Variants in GOLGA1 observed in about 807,000 individuals in gnomAD.
The protein encoded by GOLGA1 is golgin subfamily A member 1.
Under a neutral mutation model 119.7 loss-of-function variants are expected in GOLGA1, and 63 were observed. That is an observed-to-expected ratio of 0.53 (90% CI 0.43 to 0.65). The LOEUF (loss-of-function observed/expected upper bound fraction) is 0.65. Among genes scored for constraint, GOLGA1 ranks in the 30% least tolerant of loss-of-function variants. GOLGA1 has a pLI of 0.00. For missense variants in GOLGA1, 798 were observed against 912.8 expected (o/e 0.87, Z 1.62); for synonymous variants, 318 against 333.4 (o/e 0.95, Z 0.50).
intron 3 of GOLGA1, among the ~76,000 whole-genome samples, chr9:124,938,323 G>GA (rs1174116313): frequency 1.3e-5 from 2 of 152,090 alleles, no homozygotes; most frequent in East Asian, 1.9e-4. Flanking sequence ...TATATAGACG[G>GA]AAAAACAGTA....
At chr9:124,892,814 C>T (rs1829884590) in intron 15 of GOLGA1, among the ~76,000 whole-genome samples, 2 of 151,838 alleles carry the variant, frequency 1.3e-5, no homozygotes, top group African/African-American at 2.4e-5. Context: ...TGCCTGTGAT[C>T]CCAGCTACTC....
Position 124,880,236 on chromosome 9 carries a change from T to TA in GOLGA1, c.*293dup, listed in dbSNP as rs748377745. 8.0e-5 allele frequency: 21 copies of TA among 261,930 alleles called. No individual in the cohort carries two copies. The East Asian group carries it at 1.8e-3, about 22-fold the overall frequency. 16.2% of individuals were successfully genotyped at this position (261,930 alleles called of 1,614,324 possible). A position where few individuals can be genotyped will look rare whatever the true frequency, so the allele number is the denominator to read the frequency against. On this transcript the variant is annotated 3_prime_UTR_variant, in exon 23 of 23. Coordinates refer to ENST00000373555, the MANE Select transcript of GOLGA1 (RefSeq NM_002077.4). ...TCAGCTGTAAGTGCTACCGTGAAGT[T>TA]AGAGGATTCAGGTGCAGATGGGGTG...
At position 124,929,252 on chromosome 9, in the gene GOLGA1, C is replaced by T; in HGVS notation, c.265G>A (p.Glu89Lys). Residue 89 changes from glutamate (E) to lysine (K), a missense_variant, in exon 5 of 23, where the codon GAG becomes AAG. Glu to Lys is a moderately conservative substitution (Grantham distance 56). Coordinates refer to ENST00000373555, the MANE Select transcript of GOLGA1 (RefSeq NM_002077.4). ...EQVRNLQKIK[E>K]KLEIALEKHQ... ...TTTTCTAATGCAATTTCAAGCTTCTCTTTTATCTTCTGCAAGTTTCGGACC... is the reference window on the plus strand; with the variant it reads ...TTTTCTAATGCAATTTCAAGCTTCTTTTTTATCTTCTGCAAGTTTCGGACC... 6.2e-7 allele frequency: 1 copy of T among 1,610,874 alleles called. No individual in the cohort carries two copies. The highest frequency in any genetic ancestry group is 8.5e-7 in the Non-Finnish European group (1 of 1,177,130).
At chr9:124,891,926 T>C (rs1330857257) in intron 15 of GOLGA1, among the ~76,000 whole-genome samples, 2 of 151,520 alleles carry the variant, frequency 1.3e-5, no homozygotes, top group African/African-American at 4.9e-5. Flanking sequence ...ATTACTGGTT[T>C]GAGCCACTGC....
At chr9:124,927,447 C>G (rs1830695973) in intron 6 of GOLGA1, among the ~76,000 whole-genome samples, 1 of 152,066 alleles carries the variant, frequency 6.6e-6, no homozygotes, top group Middle Eastern at 3.2e-3. Flanking sequence ...TAGTAAATGT[C>G]CTAGATGATG....
In GOLGA1 at chr9:124,928,185, T is replaced by C; in HGVS notation, c.399+3A>G. ...GTTCTGGGCAGTGCCACATATAAAATACCTGGTCCTTTCTGGCTAATGCCA... is the reference window on the plus strand; with the variant it reads ...GTTCTGGGCAGTGCCACATATAAAACACCTGGTCCTTTCTGGCTAATGCCA... On this transcript the variant is annotated splice_donor_region_variant and intron_variant, in intron 6 of 22. Transcript: ENST00000373555. 6.8e-7 allele frequency: 1 copy of C among 1,467,316 alleles called. No individual in the cohort carries two copies. The highest frequency in any genetic ancestry group is 1.2e-5 in the South Asian group (1 of 86,676). The allele number at this position is 1,467,316 out of a possible 1,614,324, so 90.9% of individuals were successfully genotyped here.
At position 124,939,376 on chromosome 9, in the gene GOLGA1, G is replaced by A. The variant is rs553199400; in HGVS notation, c.-155-510C>T. ...TATGTAAAAGGTGTAATATCCTACT[G>A]TTTCAGGATGGTTTGCAATCAACTG... On this transcript the variant is annotated intron_variant, in intron 2 of 22. Transcript: ENST00000373555. Among the ~76,000 whole-genome samples, 3 of 152,148 alleles carry A rather than the reference G, an allele frequency of 2.0e-5. No homozygotes were observed. The East Asian group carries it at 5.8e-4, about 29-fold the overall frequency.
At chr9:124,925,039 CACTGT>C (rs1830647778) in intron 7 of GOLGA1, among the ~76,000 whole-genome samples, 1 of 150,360 alleles carries the variant, frequency 6.7e-6, no homozygotes. Context: ...AAGATCATGC[CACTGT>C]ACTCCAGCCT....
In GOLGA1 at chr9:124,946,709, G is replaced by A. The variant is rs1831149474; in HGVS notation, c.-156+1209C>T. On this transcript the variant is annotated intron_variant, in intron 1 of 4. Coordinates refer to the GOLGA1 transcript ENST00000421514. The surrounding 1 kb of genome is among the most constrained non-coding windows in gnomAD (Gnocchi z 4.0). Reference sequence around the variant, plus strand: ...CCCAACCCTATCATCCTTGGGAGAGGTTTGAAGGCCCAGATTTTTATAGCA... The same window carrying A: ...CCCAACCCTATCATCCTTGGGAGAGATTTGAAGGCCCAGATTTTTATAGCA... The A allele has an allele frequency of 6.6e-6, 1 of 152,144 alleles. No homozygotes were observed. The highest frequency in any genetic ancestry group is 2.4e-5 in the African/African-American group (1 of 41,424). 9.4% of individuals were successfully genotyped at this position (152,144 alleles called of 1,614,324 possible).
intron 15 of GOLGA1, among the ~76,000 whole-genome samples, chr9:124,895,949 TAACAGAGAACCATCCAC>T (rs1226088350): frequency 3.3e-4 from 47 of 143,504 alleles, no homozygotes; most frequent in African/African-American, 7.4e-4. Flanking sequence ...AGACCCTCTA[TAACAGAGAACCATCCAC>T]AACAGAGAAC....
intron 19 of GOLGA1, among the ~76,000 whole-genome samples, chr9:124,885,766 G>A (rs999419342): frequency 6.6e-6 from 1 of 152,120 alleles, no homozygotes; most frequent in Non-Finnish European, 1.5e-5. Context: ...CAGGGGTAAT[G>A]AGGGGCCACA....
intron 7 of GOLGA1, among the ~76,000 whole-genome samples, chr9:124,923,432 C>T (rs757090150): frequency 5.9e-5 from 9 of 152,060 alleles, no homozygotes; most frequent in Non-Finnish European, 1.2e-4. Flanking sequence ...CCACCACACC[C>T]GGCCTGAAAG....
chr9:124,893,573 A>G (rs990456820), intron 15 of GOLGA1, among the ~76,000 whole-genome samples: 2 of 152,188 alleles, frequency 1.3e-5, no homozygotes, highest in Non-Finnish European at 2.9e-5. Flanking sequence ...CAGTTAGTGC[A>G]ATCAAAGCTG....
intron 15 of GOLGA1, among the ~76,000 whole-genome samples, chr9:124,897,459 C>T (rs895286284): frequency 2.0e-5 from 3 of 152,172 alleles, no homozygotes; most frequent in African/African-American, 7.2e-5. Context: ...AATCTCCTGC[C>T]TCAGCCTCCC....
chr9:124,925,079 CA>C (rs904132877), intron 7 of GOLGA1, among the ~76,000 whole-genome samples: 114 of 132,182 alleles, frequency 8.6e-4, no homozygotes, highest in Non-Finnish European at 9.0e-4. Context: ...GACTCCGTCT[CA>C]AAAAAAAAAA....
intron 19 of GOLGA1, among the ~76,000 whole-genome samples, chr9:124,884,451 GCCT>G (rs1338373205): frequency 6.6e-6 from 1 of 152,174 alleles, no homozygotes; most frequent in East Asian, 1.9e-4. Context: ...AGTCATCACT[GCCT>G]CCTCCAGCTT....
At chr9:124,941,623 TCACC>T (rs953440307), upstream of GOLGA1, among the ~76,000 whole-genome samples, 51 of 152,208 alleles carry the variant, frequency 3.4e-4, no homozygotes, top group African/African-American at 1.2e-3. Flanking sequence ...TTGGCGCCTG[TCACC>T]TACTGTAGAT....
In GOLGA1 at chr9:124,916,715, A is replaced by T. The variant is rs563277918; in HGVS notation, c.843+4414T>A. Among the ~76,000 whole-genome samples the T allele has an allele frequency of 5.8e-3, 884 of 151,238 alleles. 7 individuals carry two copies. Among genetic ancestry groups the T allele is most frequent in the African/African-American group, 0.019 (793 of 41,242 alleles). On this transcript the variant is annotated intron_variant, in intron 10 of 22. Coordinates refer to ENST00000373555, the MANE Select transcript of GOLGA1 (RefSeq NM_002077.4). ...ATAGTGAGACCTTAACTATAAAAAA[A>T]TTTTTTTTTAATTAGCCAGGTGTGG...
At chr9:124,930,068 A>G (rs978593584) in intron 4 of GOLGA1, among the ~76,000 whole-genome samples, 1 of 152,184 alleles carries the variant, frequency 6.6e-6, no homozygotes, top group Non-Finnish European at 1.5e-5. Context: ...ACAGTGCTCA[A>G]TAAAATGTAG....
Sources: allele counts gnomAD v4.1 joint callset (sites outside exome capture counted in the v4.1 genomes callset), GRCh38; gene constraint gnomAD v4.1.1; non-coding constraint Gnocchi (gnomAD v3.1); transcripts MANE v1.5; gene names NCBI Gene and HGNC (gene_info 2026-07-23, HGNC 2026-07-21).